UBR2: variants seen among roughly 807,000 people sequenced by gnomAD.
The protein encoded by UBR2 is E3 ubiquitin-protein ligase UBR2.
In UBR2, 92 loss-of-function variants were observed where a neutral mutation model predicts 247.9. That is an observed-to-expected ratio of 0.37 (90% CI 0.31 to 0.44). The LOEUF is 0.44. Among genes scored for constraint, UBR2 ranks in the 20% least tolerant of loss-of-function variants. UBR2 has a pLI of 1.00. For synonymous variants in UBR2, 672 were observed against 693.5 expected, an observed-to-expected ratio of 0.97 and a Z score of 0.49; for missense variants, 1,613 against 2,112.6, an observed-to-expected ratio of 0.76 and a Z score of 4.64.
chr6:42,675,870 T>C (rs1443201136), intron 38 of UBR2, among the ~76,000 whole-genome samples, 186 bp from the exon 39 acceptor site: 2 of 151,964 alleles, frequency 1.3e-5, no homozygotes, highest in Admixed American at 1.3e-4. Context: ...GGCAGGAGAA[T>C]CGCTTGAACC....
chr6:42,582,555 A>G (rs1268576286), intron 2 of UBR2, among the ~76,000 whole-genome samples: 1 of 152,158 alleles, frequency 6.6e-6, no homozygotes. Flanking sequence ...AAAGGATTTT[A>G]TCTTCTCCTC....
chr6:42,658,926 A>G (rs1175929297), intron 29 of UBR2, 102 bp downstream of exon 29: 1 of 1,224,038 alleles, frequency 8.2e-7, no homozygotes. Flanking sequence ...TCCTAAAGTA[A>G]TTTAGTAGAA....
rs763478630 is a variant in UBR2 at position 42,670,269 on chromosome 6, A to T, written c.4030+29A>T. 5 of 1,602,994 alleles carry T rather than the reference A, an allele frequency of 3.1e-6. No homozygotes were observed. In the African/African-American group the frequency reaches 6.7e-5, roughly 21 times the overall value. The stretch of plus-strand genomic sequence containing the variant: ...AGAGATTTACAGCTGTTTCTCTATA[A>T]GTCACAAGCATTCATTGATATGAAT... On this transcript the variant is annotated intron_variant, in intron 35 of 46. Coordinates refer to ENST00000372901, the MANE Select transcript of UBR2 (RefSeq NM_001363705.2).
In UBR2 at chr6:42,604,828, A is replaced by G. The variant is rs1582507718; in HGVS notation, c.663-893A>G. 3.9e-5 allele frequency among the ~76,000 whole-genome samples: 6 copies of G among 152,062 alleles called. No individual in the cohort carries two copies. In the South Asian group the frequency reaches 1.2e-3, roughly 32 times the overall value. ...GATCACTTGAGCCCAGGAGTTGGAG[A>G]CCAGCCTGGGCAGCATAGTAAGACC... is the stretch of plus-strand genomic sequence containing the variant. On this transcript the variant is annotated intron_variant, in intron 5 of 46. Transcript: ENST00000372901.
chr6:42,596,142 A>G (rs1792959752), intron 4 of UBR2, among the ~76,000 whole-genome samples: 1 of 148,304 alleles, frequency 6.7e-6, no homozygotes, highest in Non-Finnish European at 1.5e-5. Flanking sequence ...TGCAGAGTTT[A>G]TATCTTACAA....
intron 15 of UBR2, among the ~76,000 whole-genome samples, chr6:42,637,905 T>C (rs969797208): frequency 2.0e-5 from 3 of 152,252 alleles, no homozygotes; most frequent in African/African-American, 7.2e-5. Flanking sequence ...ACTGTTGTTT[T>C]CTTTAGTTCC....
rs758966369 is a variant in UBR2 at position 42,616,006 on chromosome 6, T to C, written c.1098T>C (p.Ala366=). 1 of 1,600,060 alleles carries C rather than the reference T, an allele frequency of 6.2e-7. No individual in the cohort carries two copies. The highest frequency in any genetic ancestry group is 1.8e-5 in the Admixed American group (1 of 55,850). The stretch of plus-strand genomic sequence containing the variant: ...ACCGTGATCTTTTTCTACAAGGTGC[T>C]AGGAGTGTATATCATCAGTTGTTCA... The part of the protein sequence containing the change: ...MLSDSKLWKG[A]RSVYHQLFMS... Residue 366 remains alanine, a synonymous_variant, in exon 10 of 47, where the codon GCT becomes GCC. Coordinates refer to ENST00000372901, the MANE Select transcript of UBR2 (RefSeq NM_001363705.2).
At chr6:42,642,352 A>G in intron 17 of UBR2, 64 bp from the exon 18 acceptor site, 1 of 1,149,352 alleles carries the variant, frequency 8.7e-7, no homozygotes, top group Non-Finnish European at 1.3e-6. Flanking sequence ...GCTTTTGGGG[A>G]AGGATTAGAG....
chr6:42,587,324 C>A (rs1051669581), intron 2 of UBR2, among the ~76,000 whole-genome samples: 3 of 151,916 alleles, frequency 2.0e-5, no homozygotes, highest in African/African-American at 7.3e-5. Context: ...AATATATTTG[C>A]AGTCTTTGTT....
intron 2 of UBR2, among the ~76,000 whole-genome samples, chr6:42,576,522 CTTTTTTTT>C (rs58739895): frequency 1.2e-5 from 1 of 86,134 alleles, no homozygotes; most frequent in Non-Finnish European, 2.2e-5. Flanking sequence ...GCCTTTCCCT[CTTTTTTTT>C]TTTTTTTTTT....
chr6:42,620,139 A>G, intron 11 of UBR2: 1 of 572,424 alleles, frequency 1.7e-6, no homozygotes, highest in Non-Finnish European at 2.2e-6. Flanking sequence ...TTAATAACGT[A>G]TGAAAGTGAT....
chr6:42,645,376 T>C, intron 20 of UBR2, 90 bp from the exon 21 acceptor site: 1 of 1,237,250 alleles, frequency 8.1e-7, no homozygotes, highest in Middle Eastern at 1.9e-4. Context: ...CTTAGAGAAA[T>C]ATAACATGCT....
At chr6:42,646,966 C>T (rs1419147132) in intron 21 of UBR2, among the ~76,000 whole-genome samples, 3 of 151,722 alleles carry the variant, frequency 2.0e-5, no homozygotes, top group East Asian at 3.9e-4. Flanking sequence ...GGATTACAGG[C>T]GCACGCCACC....
chr6:42,640,490 A>G (rs951350911), intron 16 of UBR2, among the ~76,000 whole-genome samples: 1 of 151,566 alleles, frequency 6.6e-6, no homozygotes, highest in South Asian at 2.1e-4. Context: ...GAACTGGCTC[A>G]TGAAATTGTG....
chr6:42,680,317 CT>C (rs1472783470), intron 42 of UBR2, among the ~76,000 whole-genome samples: 1 of 152,178 alleles, frequency 6.6e-6, no homozygotes, highest in African/African-American at 2.4e-5. Flanking sequence ...AAGGATCTGG[CT>C]TTTCAGTAAA....
At chr6:42,643,630 G>A (rs1293884710) in intron 18 of UBR2, among the ~76,000 whole-genome samples, 2 of 151,826 alleles carry the variant, frequency 1.3e-5, no homozygotes, top group African/African-American at 2.4e-5. Context: ...GTCAAGAAAT[G>A]TATATTTCAA....
At chr6:42,669,967 A>G (rs1798334773) in intron 34 of UBR2, 125 bp from the exon 35 acceptor site, 1 of 1,192,918 alleles carries the variant, frequency 8.4e-7, no homozygotes. Flanking sequence ...ATCACTGCAT[A>G]CAATTATCTC....
intron 22 of UBR2, 125 bp from the exon 23 acceptor site, chr6:42,650,159 G>C: frequency 2.8e-6 from 2 of 704,654 alleles, no homozygotes; most frequent in Non-Finnish European, 2.3e-6. Context: ...ACTGAAAATA[G>C]TTGTAGCTTA....
rs148470130 is a variant in UBR2, at chr6:42,592,215, G to C, written c.403G>C (p.Asp135His). ...GTGCTTTTTGGGAAGTATTCACAGA[G>C]ATCATCGATATAGGGTTAGTAATGT... is the stretch of plus-strand genomic sequence containing the variant. ...MECFLGSIHR[D>H]HRYRMTTSGG... Residue 135 changes from aspartate to histidine, a missense_variant, in exon 3 of 47, where the codon GAT becomes CAT. Coordinates refer to ENST00000372901, the MANE Select transcript of UBR2 (RefSeq NM_001363705.2). The C allele has an allele frequency of 1.7e-4, 276 of 1,593,322 alleles. 1 individual carries two copies. The Admixed American group carries it at 2.4e-3, about 14-fold the overall frequency.
Sources: gnomAD v4.1 joint callset for allele counts (sites outside exome capture counted in the v4.1 genomes callset) on GRCh38, gnomAD v4.1.1 for gene constraint, MANE v1.5 for transcripts, NCBI Gene and HGNC (gene_info 2026-07-23, HGNC 2026-07-21) for gene names.